Variants in PTPRG observed in about 807,000 individuals in gnomAD.
PTPRG encodes the protein protein tyrosine phosphatase receptor type G.
In PTPRG, 102 loss-of-function variants were observed where a neutral mutation model predicts 165.3. The ratio of observed to expected loss-of-function variants is 0.62; its 90% CI spans 0.53 to 0.73. The LOEUF is 0.73. PTPRG is among the 30% of genes least tolerant of loss of function. PTPRG has a pLI of 0.00. For missense variants in PTPRG, 1,866 were observed against 1,861.4 expected (o/e 1.00, Z -0.05); for synonymous variants, 675 against 669.5 (o/e 1.01, Z -0.13).
intron 1 of PTPRG, among the ~76,000 whole-genome samples, chr3:61,582,519 A>T (rs142370940): frequency 1.4e-4 from 21 of 152,336 alleles, no homozygotes; most frequent in Non-Finnish European, 2.4e-4. Context: ...GCCAGGACGT[A>T]GCCTGATAGG....
At chr3:61,626,824 A>G (rs1276286153) in intron 1 of PTPRG, among the ~76,000 whole-genome samples, 1 of 152,210 alleles carries the variant, frequency 6.6e-6, no homozygotes, top group Non-Finnish European at 1.5e-5. Context: ...GCCACCTAGG[A>G]TATATTCTTA....
At chr3:61,565,658 T>C (rs1055592330) in intron 1 of PTPRG, among the ~76,000 whole-genome samples, 1 of 151,112 alleles carries the variant, frequency 6.6e-6, no homozygotes, top group Non-Finnish European at 1.5e-5. Context: ...AGTGAAACTC[T>C]GGTTTTGATA....
chr3:62,291,333 C>T (rs916257373), intron 28 of PTPRG, among the ~76,000 whole-genome samples: 4 of 152,070 alleles, frequency 2.6e-5, no homozygotes, highest in African/African-American at 9.7e-5. Flanking sequence ...TACCTGTGAC[C>T]CTAGCCCTTC....
At chr3:61,581,416 T>A (rs1241622179) in intron 1 of PTPRG, among the ~76,000 whole-genome samples, 1 of 152,180 alleles carries the variant, frequency 6.6e-6, no homozygotes, top group African/African-American at 2.4e-5. Context: ...TTTCATGGCA[T>A]CCTTTTCCCC....
At chr3:62,248,003 T>C (rs1273241376) in intron 15 of PTPRG, among the ~76,000 whole-genome samples, 1 of 141,712 alleles carries the variant, frequency 7.1e-6, no homozygotes, top group Non-Finnish European at 1.5e-5. Context: ...GCAAAGACAG[T>C]GTTTTAAGAA....
At chr3:61,717,650 G>A (rs191407915) in intron 1 of PTPRG, among the ~76,000 whole-genome samples, 9 of 152,098 alleles carry the variant, frequency 5.9e-5, no homozygotes, top group East Asian at 3.9e-4. Flanking sequence ...TTAGCTGGGC[G>A]TGGTGGTTTG....
At chr3:62,175,836 A>T (rs1705401283) in intron 8 of PTPRG, among the ~76,000 whole-genome samples, 1 of 152,172 alleles carries the variant, frequency 6.6e-6, no homozygotes, top group South Asian at 2.1e-4. Flanking sequence ...AGCCCCACAG[A>T]GATCTGGAGA....
intron 15 of PTPRG, among the ~76,000 whole-genome samples, chr3:62,250,265 G>A (rs975757367): frequency 5.9e-5 from 9 of 152,184 alleles, no homozygotes; most frequent in African/African-American, 2.2e-4. Flanking sequence ...GTGGAGTCAC[G>A]CAGTCTGGCT....
At chr3:61,965,659 G>A (rs2040254954) in intron 2 of PTPRG, among the ~76,000 whole-genome samples, 2 of 152,194 alleles carry the variant, frequency 1.3e-5, no homozygotes, top group Admixed American at 1.3e-4. Context: ...TGGTCCAACT[G>A]TGTGTTTAGC....
At chr3:62,196,325 C>T (rs1347012116) in intron 10 of PTPRG, among the ~76,000 whole-genome samples, 65 of 152,122 alleles carry the variant, frequency 4.3e-4, no homozygotes. Flanking sequence ...ATCACTTGAA[C>T]CTGGAAGGCG....
chr3:61,847,433 G>C (rs940635968), intron 2 of PTPRG, among the ~76,000 whole-genome samples: 1 of 152,184 alleles, frequency 6.6e-6, no homozygotes, highest in Non-Finnish European at 1.5e-5. Flanking sequence ...GCCCTCCAGA[G>C]CTGTGAGACA....
chr3:61,945,560 C>CAAAAAAAAAAAAAAAAAAAAAAAAAAAA (rs71123242), intron 2 of PTPRG, among the ~76,000 whole-genome samples: 2 of 55,460 alleles, frequency 3.6e-5, no homozygotes, highest in African/African-American at 1.4e-4. Context: ...ACTCCGTCAC[C>CAAAAAAAAAAAAAAAAAAAAAAAAAAAA]AAAAAAAAAA....
rs546972311 is a variant in PTPRG, at chr3:61,698,123, T to G, written c.86-50755T>G. ...TGAAGCTTCCCGTGTCACATAAAACTTACATTAAATAAATATCTATGCTTT... is the reference window on the plus strand; with the variant it reads ...TGAAGCTTCCCGTGTCACATAAAACGTACATTAAATAAATATCTATGCTTT... On this transcript the variant is annotated intron_variant, in intron 1 of 29. Transcript: ENST00000474889. Among the ~76,000 whole-genome samples the G allele has an allele frequency of 2.6e-5, 4 of 152,308 alleles. No homozygotes were observed. In the East Asian group the frequency reaches 7.7e-4, roughly 29 times the overall value.
At chr3:61,830,566 G>GTTT (rs57644199) in intron 2 of PTPRG, among the ~76,000 whole-genome samples, 74 of 86,498 alleles carry the variant, frequency 8.6e-4, no homozygotes, top group Non-Finnish European at 1.3e-3. Context: ...TTTTGTTTTT[G>GTTT]TTTTTTTTTT....
chr3:61,894,683 G>A (rs1159980270), intron 2 of PTPRG, among the ~76,000 whole-genome samples: 4 of 152,116 alleles, frequency 2.6e-5, no homozygotes, highest in African/African-American at 4.8e-5. Context: ...TTCAACTTGG[G>A]CTTTATGGCT....
chr3:61,708,580 G>A (rs1327284368), intron 1 of PTPRG, among the ~76,000 whole-genome samples: 1 of 149,648 alleles, frequency 6.7e-6, no homozygotes, highest in Non-Finnish European at 1.5e-5. Context: ...TCAGCCTCCT[G>A]AGTAGCTGGG....
intron 4 of PTPRG, among the ~76,000 whole-genome samples, chr3:62,048,190 A>T (rs1402235333): frequency 6.6e-6 from 1 of 152,158 alleles, no homozygotes; most frequent in African/African-American, 2.4e-5. Flanking sequence ...CACTTAAAAA[A>T]AGAAGAAAGA....
At chr3:61,672,862 GA>G (rs1438475935) in intron 1 of PTPRG, among the ~76,000 whole-genome samples, 1 of 151,334 alleles carries the variant, frequency 6.6e-6, no homozygotes, top group East Asian at 2.0e-4. Context: ...TCATGTTTTG[GA>G]GTCTAAAAGT....
chr3:62,186,993 C>T (rs759701050), intron 8 of PTPRG, among the ~76,000 whole-genome samples: 1 of 152,174 alleles, frequency 6.6e-6, no homozygotes, highest in Non-Finnish European at 1.5e-5. Flanking sequence ...CTGTGGACCA[C>T]GGGAAAGACT....
Sources: allele counts gnomAD v4.1 joint callset (sites outside exome capture counted in the v4.1 genomes callset), GRCh38; gene constraint gnomAD v4.1.1; transcripts MANE v1.5; gene names NCBI Gene and HGNC (gene_info 2026-07-23, HGNC 2026-07-21).